The following SPMIP2 variants were observed in gnomAD, a reference collection of about 807,000 sequenced individuals.
SPMIP2 encodes the protein protein SPMIP2.
chr4:159,034,340 T>C, the SPMIP2 span, among the ~76,000 whole-genome samples: 4 of 152,204 alleles, frequency 2.6e-5, no homozygotes, highest in East Asian at 7.7e-4. Context: ...CAAATTTTTA[T>C]CAAGCAAATA....
chr4:158,896,120 T>C, the SPMIP2 span, among the ~76,000 whole-genome samples: 1 of 152,202 alleles, frequency 6.6e-6, no homozygotes, highest in African/African-American at 2.4e-5. Context: ...CTGTGGATTA[T>C]CTTATGCTTG....
At chr4:159,054,302 G>T in the SPMIP2 span, among the ~76,000 whole-genome samples, 6 of 152,086 alleles carry the variant, frequency 3.9e-5, no homozygotes, top group African/African-American at 7.2e-5. Flanking sequence ...GACTATTTCA[G>T]CAATTTTTTT....
At chr4:159,076,986 C>A in the SPMIP2 span, among the ~76,000 whole-genome samples, 2 of 152,158 alleles carry the variant, frequency 1.3e-5, no homozygotes, top group Non-Finnish European at 2.9e-5. Context: ...CAGGCACCTG[C>A]CACCATGCCT....
At chr4:158,961,396 T>G in the SPMIP2 span, among the ~76,000 whole-genome samples, 1 of 152,084 alleles carries the variant, frequency 6.6e-6, no homozygotes, top group African/African-American at 2.4e-5. Flanking sequence ...CCTTAATCTC[T>G]TCAATGTTCA....
At chr4:158,966,739 T>C in the SPMIP2 span, among the ~76,000 whole-genome samples, 2 of 152,250 alleles carry the variant, frequency 1.3e-5, no homozygotes, top group East Asian at 1.9e-4. Flanking sequence ...ATTTTTAGCC[T>C]GCCTAAATTA....
the SPMIP2 span, chr4:158,893,596 G>C: frequency 1.0e-6 from 1 of 1,003,980 alleles, no homozygotes; most frequent in East Asian, 2.6e-5. Context: ...CATCTGTCCT[G>C]GGGCAATATG....
the SPMIP2 span, among the ~76,000 whole-genome samples, chr4:159,052,431 T>TA: frequency 6.6e-6 from 1 of 151,840 alleles, no homozygotes; most frequent in Non-Finnish European, 1.5e-5. Flanking sequence ...CTGCACACGG[T>TA]AAAAAAGATT....
At chr4:159,052,186 T>C in the SPMIP2 span, among the ~76,000 whole-genome samples, 12 of 152,196 alleles carry the variant, frequency 7.9e-5, no homozygotes, top group Admixed American at 7.9e-4. Flanking sequence ...CCAGTGTACC[T>C]AGTTCGCACA....
the SPMIP2 span, among the ~76,000 whole-genome samples, chr4:158,930,075 T>C: frequency 2.0e-5 from 3 of 152,230 alleles, no homozygotes; most frequent in African/African-American, 4.8e-5. Flanking sequence ...AATTTCTGCA[T>C]ACATAGAATT....
chr4:159,009,572 C>A, the SPMIP2 span, among the ~76,000 whole-genome samples: 1 of 152,162 alleles, frequency 6.6e-6, no homozygotes, highest in Non-Finnish European at 1.5e-5. Flanking sequence ...TTCCTAGAAT[C>A]AACAAAGGAC....
At chr4:158,928,353 CTG>C in the SPMIP2 span, among the ~76,000 whole-genome samples, 1 of 149,720 alleles carries the variant, frequency 6.7e-6, no homozygotes, top group African/African-American at 2.5e-5. Context: ...AATCGGCACT[CTG>C]TATCTAGCTC....
the SPMIP2 span, among the ~76,000 whole-genome samples, chr4:158,987,782 T>C: frequency 1.1e-4 from 16 of 151,614 alleles, no homozygotes; most frequent in Non-Finnish European, 1.9e-4. Context: ...AGTATAATAA[T>C]AATAAAATAA....
the SPMIP2 span, among the ~76,000 whole-genome samples, chr4:158,993,096 G>A: frequency 6.6e-6 from 1 of 152,138 alleles, no homozygotes; most frequent in Non-Finnish European, 1.5e-5. Flanking sequence ...AAAAAGGGCT[G>A]GGCATGGTGT....
chr4:158,964,831 T>G, the SPMIP2 span, among the ~76,000 whole-genome samples: 1 of 152,008 alleles, frequency 6.6e-6, no homozygotes, highest in Non-Finnish European at 1.5e-5. Context: ...TGGTGGCAGG[T>G]GAGAGAGAGC....
the SPMIP2 span, among the ~76,000 whole-genome samples, chr4:159,009,529 C>G: frequency 2.0e-5 from 3 of 152,196 alleles, no homozygotes; most frequent in African/African-American, 4.8e-5. Context: ...TTCAAAGCAT[C>G]TAATTATGGA....
chr4:158,961,308 G>T, the SPMIP2 span, among the ~76,000 whole-genome samples: 1 of 151,876 alleles, frequency 6.6e-6, no homozygotes, highest in Non-Finnish European at 1.5e-5. Context: ...TTTCCTTATT[G>T]ACTACCATAG....
At chr4:159,052,516 T>G in the SPMIP2 span, among the ~76,000 whole-genome samples, 1 of 152,148 alleles carries the variant, frequency 6.6e-6, no homozygotes, top group African/African-American at 2.4e-5. Flanking sequence ...GTGAGAAGTT[T>G]TGTGGTTGGA....
chr4:159,071,091 A>G, the SPMIP2 span, among the ~76,000 whole-genome samples: 1 of 152,228 alleles, frequency 6.6e-6, no homozygotes, highest in Non-Finnish European at 1.5e-5. Flanking sequence ...ATGGTCTGAT[A>G]GGCTAAGAAT....
chr4:158,917,535 A>G, the SPMIP2 span, among the ~76,000 whole-genome samples: 2 of 151,936 alleles, frequency 1.3e-5, no homozygotes, highest in African/African-American at 4.8e-5. Context: ...GATGAGCTCC[A>G]AAGAAGCTGC....
Sources: gnomAD v4.1 joint callset for allele counts (sites outside exome capture counted in the v4.1 genomes callset) on GRCh38, gnomAD v4.1.1 for gene constraint, MANE v1.5 for transcripts, NCBI Gene and HGNC (gene_info 2026-07-23, HGNC 2026-07-21) for gene names.